The following ZNF292 variants were observed in gnomAD, a reference collection of about 807,000 sequenced individuals.
ZNF292 encodes 16 zinc-finger domain protein.
Under a neutral mutation model 217.9 loss-of-function variants are expected in ZNF292, and 26 were observed. The observed-to-expected ratio is 0.12, with a 90% CI of 0.09 to 0.17. The LOEUF is 0.17. ZNF292 is among the 10% of genes least tolerant of loss of function. The pLI is 1.00. For synonymous variants in ZNF292, 1,257 were observed against 1,124.1 expected (o/e 1.12, Z -2.37); for missense variants, 2,904 against 3,175.2 (o/e 0.91, Z 2.05).
At chr6:87,243,338 C>T (rs1774407414) in intron 5 of ZNF292, 137 bp from the exon 6 acceptor site, 5 of 448,094 alleles carry the variant, frequency 1.1e-5, no homozygotes, top group Non-Finnish European at 1.6e-5. Context: ...CAAATTATAA[C>T]TGACTTGATA....
rs1211917562 is a variant in ZNF292, at chr6:87,255,973, A to G, written c.2344A>G (p.Met782Val). 2 of 1,610,836 alleles carry G rather than the reference A, an allele frequency of 1.2e-6. No individual in the cohort carries two copies. Among genetic ancestry groups the G allele is most frequent in the Middle Eastern group, 1.7e-4 (1 of 6,058 alleles). Reference protein sequence around the residue: ...KEHQVFRAKCMFPKCGRIFSE... With the variant: ...KEHQVFRAKCVFPKCGRIFSE... ...GCATCAAGTCTTTAGAGCAAAATGT[A>G]TGTTTCCTAAATGTGGAAGAATTTT... is the stretch of plus-strand genomic sequence containing the variant. Residue 782 changes from methionine (M) to valine (V), a missense_variant, in exon 8 of 8, where the codon ATG (methionine) becomes GTG (valine). Met to Val is a conservative substitution (Grantham distance 21, BLOSUM62 1). Around this residue, in one of 15 missense-constraint regions of ZNF292, gnomAD observed 216 missense variants for 308.3 expected, o/e 0.70. Transcript: ENST00000369577.
chr6:87,245,156 G>A (rs1006055088), intron 6 of ZNF292, among the ~76,000 whole-genome samples: 1 of 151,946 alleles, frequency 6.6e-6, no homozygotes, highest in African/African-American at 2.4e-5. Flanking sequence ...CAGAAGAATC[G>A]CTTGAACCCG....
intron 1 of ZNF292, among the ~76,000 whole-genome samples, chr6:87,214,490 T>C (rs1772643678): frequency 6.6e-6 from 1 of 152,146 alleles, no homozygotes. Flanking sequence ...TGTTTCAGGG[T>C]TCATCTGGGA....
Position 87,260,944 on chromosome 6 carries a change from T to G in ZNF292, c.7315T>G (p.Ser2439Ala), listed in dbSNP as rs1278444057. 1.2e-6 allele frequency: 2 copies of G among 1,610,680 alleles called. No homozygotes were observed. The highest frequency in any genetic ancestry group is 1.7e-6 in the Non-Finnish European group (2 of 1,178,288). ...TTGCAACTCACAAGTAAAGGAAACG[T>G]CTGAGCAAGAAGGTGCTAAGAATGA... Reference protein sequence around the residue: ...RCCNSQVKETSEQEGAKNDVK... With the variant: ...RCCNSQVKETAEQEGAKNDVK... The change falls in exon 8 of 8, where the codon TCT becomes GCT. Residue 2439 changes from serine (S) to alanine (A), a missense_variant. Around this residue, in one of 15 missense-constraint regions of ZNF292, gnomAD observed 380 missense variants for 355.3 expected, o/e 1.07. Transcript: ENST00000369577.
chr6:87,215,643 C>T (rs571355524), intron 1 of ZNF292, among the ~76,000 whole-genome samples: 3 of 152,260 alleles, frequency 2.0e-5, no homozygotes, highest in African/African-American at 7.2e-5. Context: ...GAGGAGATAA[C>T]TCTTGCCCTA....
intron 1 of ZNF292, among the ~76,000 whole-genome samples, chr6:87,172,556 T>C (rs1771135939): frequency 6.6e-6 from 1 of 152,062 alleles, no homozygotes; most frequent in Non-Finnish European, 1.5e-5. Context: ...AGTACTATAG[T>C]AGTCATGATA....
chr6:87,259,235 T>C lies in ZNF292; in HGVS notation c.5606T>C (p.Leu1869Pro). 1 of 1,613,742 alleles carries C rather than the reference T, an allele frequency of 6.2e-7. No homozygotes were observed. Among genetic ancestry groups the C allele is most frequent in the Non-Finnish European group, 8.5e-7 (1 of 1,179,712 alleles). ...QCVLINTSVT[L>P]TPTPVKSTAD... ...GTACTGATAAATACATCAGTGACAC[T>C]GACTCCCACGCCTGTTAAATCAACT... is the stretch of plus-strand genomic sequence containing the variant. The change falls in exon 8 of 8, where the codon CTG becomes CCG. Residue 1869 changes from leucine (L) to proline (P), a missense_variant. Coordinates refer to ENST00000369577, the MANE Select transcript of ZNF292 (RefSeq NM_015021.3).
At chr6:87,187,324 T>C (rs993554787) in intron 1 of ZNF292, among the ~76,000 whole-genome samples, 3 of 152,088 alleles carry the variant, frequency 2.0e-5, no homozygotes, top group Non-Finnish European at 1.5e-5. Context: ...ATCAGTAAAG[T>C]TTAAAAGAAA....
chr6:87,168,838 G>A (rs578171600), intron 1 of ZNF292, among the ~76,000 whole-genome samples: 12 of 152,124 alleles, frequency 7.9e-5, no homozygotes, highest in African/African-American at 2.4e-4. Flanking sequence ...CTCGGTATTC[G>A]TAGAGAATTG....
chr6:87,162,005 C>A (rs1886752), intron 1 of ZNF292, among the ~76,000 whole-genome samples: 1 of 152,010 alleles, frequency 6.6e-6, no homozygotes, highest in Non-Finnish European at 1.5e-5. Flanking sequence ...TTGGCTTTCC[C>A]TATTATAGTA....
chr6:87,175,396 T>G (rs1428350101), intron 1 of ZNF292, among the ~76,000 whole-genome samples: 1 of 152,188 alleles, frequency 6.6e-6, no homozygotes, highest in Non-Finnish European at 1.5e-5. Context: ...AGTGCAGTGG[T>G]ACAGTCATGG....
At chr6:87,239,647 G>C (rs1361156526) in intron 5 of ZNF292, among the ~76,000 whole-genome samples, 1 of 129,906 alleles carries the variant, frequency 7.7e-6, no homozygotes, top group Non-Finnish European at 1.6e-5. Flanking sequence ...CGGCTGCCGG[G>C]CGGAGGGGCT....
chr6:87,193,525 G>A (rs1207031384), intron 1 of ZNF292, among the ~76,000 whole-genome samples: 7 of 151,040 alleles, frequency 4.6e-5, no homozygotes, highest in African/African-American at 1.7e-4. Context: ...GGGTGACAAA[G>A]TGAGAGACCT....
At position 87,256,356 on chromosome 6, in the gene ZNF292, G is replaced by C. The variant is rs748055927; in HGVS notation, c.2727G>C (p.Glu909Asp). 6.4e-5 allele frequency: 103 copies of C among 1,611,080 alleles called. No individual in the cohort carries two copies. Among genetic ancestry groups the C allele is most frequent in the Non-Finnish European group, 8.0e-5 (94 of 1,179,846 alleles). ...VTKQDQISAS[E>D]LRQANGPLSN... Reference sequence around the variant, plus strand: ...AACAAGACCAGATTTCTGCCTCTGAGCTCAGGCAAGCTAATGGACCATTGT... The same window carrying C: ...AACAAGACCAGATTTCTGCCTCTGACCTCAGGCAAGCTAATGGACCATTGT... The change falls in exon 8 of 8, where the codon GAG becomes GAC. Residue 909 changes from glutamate to aspartate, a missense_variant. Glu to Asp is a conservative substitution (Grantham distance 45). Coordinates refer to ENST00000369577, the MANE Select transcript of ZNF292 (RefSeq NM_015021.3).
chr6:87,175,858 G>A (rs1259808151), intron 1 of ZNF292, among the ~76,000 whole-genome samples: 1 of 152,152 alleles, frequency 6.6e-6, no homozygotes, highest in African/African-American at 2.4e-5. Context: ...GCCTGGCTGT[G>A]GATTGAAATG....
chr6:87,216,311 A>C lies in ZNF292; in HGVS notation c.336A>C (p.Glu112Asp). ...TTTTGTTTTTTAGAAGCTGTGTTGA[A>C]CTTTTACTGTGTCTGCCTGTTGAGT... is the stretch of plus-strand genomic sequence containing the variant. ...VLERLALSCV[E>D]LLLCLPVELS... The change falls in exon 3 of 8, where the codon GAA becomes GAC. Residue 112 changes from glutamate (E) to aspartate (D), a missense_variant. By Grantham distance (45) the Glu-to-Asp change is conservative. Transcript: ENST00000369577. 6.3e-7 allele frequency: 1 copy of C among 1,580,260 alleles called. No individual in the cohort carries two copies. Among genetic ancestry groups the C allele is most frequent in the South Asian group, 1.2e-5 (1 of 86,584 alleles).
At position 87,245,487 on chromosome 6, in the gene ZNF292, A is replaced by C; in HGVS notation, c.879-16A>C. The stretch of plus-strand genomic sequence containing the variant: ...TACTGCTCCAACTTTTCTTATTATA[A>C]CTTTTTTTTTTTAAGGGAACTTACT... On this transcript the variant is annotated splice_polypyrimidine_tract_variant and intron_variant, in intron 6 of 7. Transcript: ENST00000369577. 6.9e-7 allele frequency: 1 copy of C among 1,456,402 alleles called. No homozygotes were observed. Among genetic ancestry groups the C allele is most frequent in the Non-Finnish European group, 9.2e-7 (1 of 1,091,314 alleles). 90.2% of individuals were successfully genotyped at this position (1,456,402 alleles called of 1,614,324 possible).
chr6:87,159,916 A>G (rs1770675338), intron 1 of ZNF292, among the ~76,000 whole-genome samples: 1 of 152,242 alleles, frequency 6.6e-6, no homozygotes, highest in African/African-American at 2.4e-5. Flanking sequence ...GACTTAGAAT[A>G]AGTATATAGA....
In ZNF292 at chr6:87,255,833, C is replaced by CTCA; in HGVS notation, c.2207_2209dup (p.His736dup). ...TGTAGGCGGCATTTTGTGAGTGTTA[C>CTCA]TCATCTCAATGATCACTTACAGATG... On this transcript the variant is annotated inframe_insertion, in exon 8 of 8. Transcript: ENST00000369577. 1 of 1,613,794 alleles carries CTCA rather than the reference C, an allele frequency of 6.2e-7. No homozygotes were observed. The highest frequency in any genetic ancestry group is 8.5e-7 in the Non-Finnish European group (1 of 1,179,840).
Sources: gnomAD v4.1 joint callset for allele counts (sites outside exome capture counted in the v4.1 genomes callset) on GRCh38, gnomAD v4.1.1 for gene constraint, gnomAD v4.1.1 regional missense constraint, MANE v1.5 for transcripts, NCBI Gene and HGNC (gene_info 2026-07-23, HGNC 2026-07-21) for gene names.